The following EDRF1 variants were observed in gnomAD, a reference collection of about 807,000 sequenced individuals.
EDRF1 encodes the protein erythroid differentiation-related factor 1.
EDRF1 carries 69 observed loss-of-function variants against 148.7 expected under a neutral mutation model. That is an observed-to-expected ratio of 0.46 (90% CI 0.38 to 0.57). The LOEUF (loss-of-function observed/expected upper bound fraction) is 0.57, where lower values mean the gene tolerates loss of function less well. Ranked by LOEUF, EDRF1 falls within the 20% of genes least tolerant of loss-of-function variation. EDRF1 has a pLI of 0.00. For missense variants in EDRF1, 1,118 were observed against 1,478.7 expected (o/e 0.76, Z 4.00); for synonymous variants, 515 against 532.8 (o/e 0.97, Z 0.46).
chr10:125,720,440 A>G (rs1289478195), intron 1 of EDRF1, among the ~76,000 whole-genome samples: 1 of 152,232 alleles, frequency 6.6e-6, no homozygotes, highest in Non-Finnish European at 1.5e-5. Context: ...TGCATCGATT[A>G]CTAAATATTT....
intron 18 of EDRF1, chr10:125,745,087 A>G (rs1376416362): frequency 6.3e-6 from 1 of 158,058 alleles, no homozygotes; most frequent in East Asian, 1.8e-4. Context: ...GGCCGTGCAT[A>G]CAGCATGAAT....
intron 24 of EDRF1, among the ~76,000 whole-genome samples, chr10:125,754,447 G>A (rs2133759022): frequency 6.6e-6 from 1 of 152,332 alleles, no homozygotes; most frequent in Middle Eastern, 3.4e-3. Flanking sequence ...ACCCTGGAAT[G>A]AAGATCTGCG....
At position 125,745,756 on chromosome 10, in the gene EDRF1, T is replaced by C; in HGVS notation, c.2640T>C (p.Phe880=). Residue 880 remains phenylalanine (F), a synonymous_variant, in exon 19 of 25, where the codon TTT becomes TTC. Coordinates refer to ENST00000356792, the MANE Select transcript of EDRF1 (RefSeq NM_001202438.2). Reference sequence around the variant, plus strand: ...AGCAACAGTTGTGGAAAAAAAGCTTTTCTTGTTTTGAAAAGGGAATTCACA... The same window carrying C: ...AGCAACAGTTGTGGAAAAAAAGCTTCTCTTGTTTTGAAAAGGGAATTCACA... ...AAEQQLWKKS[F]SCFEKGIHNF... The C allele has an allele frequency of 6.2e-7, 1 of 1,614,268 alleles. No individual in the cohort carries two copies. Among genetic ancestry groups the C allele is most frequent in the Non-Finnish European group, 8.5e-7 (1 of 1,180,044 alleles).
intron 8 of EDRF1, 152 bp downstream of exon 8, chr10:125,729,631 CAGT>C (rs957363077): frequency 3.8e-6 from 4 of 1,060,404 alleles, no homozygotes; most frequent in Non-Finnish European, 5.7e-6. Context: ...AAAAAAGAAT[CAGT>C]GTTCCATCTA....
intron 13 of EDRF1, among the ~76,000 whole-genome samples, chr10:125,736,968 A>G (rs1184849779): frequency 1.3e-5 from 2 of 152,098 alleles, no homozygotes; most frequent in African/African-American, 4.8e-5. Flanking sequence ...AGCTCCCTGC[A>G]GGTACAGACC....
Position 125,730,374 on chromosome 10 carries a change from GT to G in EDRF1, c.1107del (p.His370MetfsTer2). 6.2e-7 allele frequency: 1 copy of G among 1,613,688 alleles called. No individual in the cohort carries two copies. Among genetic ancestry groups the G allele is most frequent in the Non-Finnish European group, 8.5e-7 (1 of 1,179,618 alleles). ...LICNVPELVM[C>X]FHVNGIVQKY... ...TGCAATGTGCCAGAGCTTGTGATGT[GT>G]TTTCATGTAAATGGAATTGTACAGG... On this transcript the variant is annotated frameshift_variant, in exon 9 of 25. Transcript: ENST00000356792. LOFTEE classifies it high-confidence loss of function.
At chr10:125,729,162 A>G (rs1473398247) in intron 7 of EDRF1, 58 bp downstream of exon 7, 10 of 1,507,730 alleles carry the variant, frequency 6.6e-6, no homozygotes, top group Non-Finnish European at 8.9e-6. Flanking sequence ...TTGTCATTTC[A>G]AAACTAGCCT....
intron 5 of EDRF1, 31 bp downstream of exon 5, chr10:125,725,473 A>G (rs1304861282): frequency 1.9e-6 from 3 of 1,612,762 alleles, no homozygotes; most frequent in East Asian, 4.5e-5. Context: ...CTCTAAAGAG[A>G]AAAAGGGAAT....
chr10:125,736,618 TG>T (rs1848749800), intron 13 of EDRF1, among the ~76,000 whole-genome samples: 1 of 152,156 alleles, frequency 6.6e-6, no homozygotes, highest in African/African-American at 2.4e-5. Context: ...AGCAAGTTTT[TG>T]AGGGGCTATG....
Position 125,740,725 on chromosome 10 carries a change from GA to G in EDRF1, c.2170+76del, listed in dbSNP as rs1317752752. 3.4e-6 allele frequency: 5 copies of G among 1,457,144 alleles called. No homozygotes were observed. In the African/African-American group the frequency reaches 6.9e-5, roughly 20 times the overall value. The allele number at this position is 1,457,144 out of a possible 1,614,324, so 90.3% of individuals were successfully genotyped here. On this transcript the variant is annotated intron_variant, in intron 16 of 24. Transcript: ENST00000356792. ...CAGAGAAGGCATCTGAATCACAGTG[GA>G]AGTTTACTCCTATTTTTCTAGTAAA...
At chr10:125,726,642 C>G (rs931505938) in intron 6 of EDRF1, among the ~76,000 whole-genome samples, 8 of 152,152 alleles carry the variant, frequency 5.3e-5, no homozygotes, top group Non-Finnish European at 1.2e-4. Flanking sequence ...TTTCAATCTT[C>G]ACAAATTACA....
intron 18 of EDRF1, chr10:125,745,183 G>GTAGAT: frequency 5.9e-6 from 1 of 170,852 alleles, no homozygotes; most frequent in Non-Finnish European, 1.3e-5. Flanking sequence ...GTGAGCTGGG[G>GTAGAT]CTGCTGTAAT....
At chr10:125,749,689 G>A in intron 22 of EDRF1, 124 bp downstream of exon 22, 1 of 1,152,022 alleles carries the variant, frequency 8.7e-7, no homozygotes, top group Non-Finnish European at 1.3e-6. Context: ...CATAGTTAAT[G>A]ACTTCGGGTA....
At chr10:125,741,548 T>C (rs1261345558) in intron 17 of EDRF1, 1 of 315,360 alleles carries the variant, frequency 3.2e-6, no homozygotes, top group African/African-American at 2.2e-5. Flanking sequence ...GCCTGCTGTT[T>C]TATTCATTTC....
intron 18 of EDRF1, among the ~76,000 whole-genome samples, chr10:125,744,114 T>C (rs1049031362): frequency 7.9e-5 from 12 of 151,954 alleles, no homozygotes; most frequent in African/African-American, 2.7e-4. Context: ...TAGATAAGAA[T>C]GTAAAGCCTG....
At chr10:125,738,041 G>A in intron 14 of EDRF1, 52 bp downstream of exon 14, 1 of 1,538,162 alleles carries the variant, frequency 6.5e-7, no homozygotes, top group Non-Finnish European at 9.0e-7. Flanking sequence ...ACTTGATTAT[G>A]CAAATTACAC....
intron 3 of EDRF1, 69 bp from the exon 4 acceptor site, chr10:125,723,741 TA>T: frequency 6.7e-7 from 1 of 1,490,328 alleles, no homozygotes; most frequent in Non-Finnish European, 9.3e-7. Flanking sequence ...TGAATGAAGC[TA>T]AAATTTAAAA....
At chr10:125,741,224 G>A (rs369756904) in intron 17 of EDRF1, 23 bp downstream of exon 17, 5 of 1,602,258 alleles carry the variant, frequency 3.1e-6, no homozygotes, top group African/African-American at 1.3e-5. Flanking sequence ...CTTGGACCAC[G>A]TGGTTCACAG....
intron 6 of EDRF1, among the ~76,000 whole-genome samples, chr10:125,728,341 A>C (rs565317698): frequency 6.6e-6 from 1 of 152,194 alleles, no homozygotes; most frequent in Admixed American, 6.6e-5. Context: ...TTTTAATATC[A>C]ATAAATATTG....
Sources: allele counts gnomAD v4.1 joint callset (sites outside exome capture counted in the v4.1 genomes callset), GRCh38; gene constraint gnomAD v4.1.1; transcripts MANE v1.5; gene names NCBI Gene and HGNC (gene_info 2026-07-23, HGNC 2026-07-21).